PDE4D: variants seen among roughly 807,000 people sequenced by gnomAD.
PDE4D encodes phosphodiesterase 4D, also known as 3',5'-cyclic-AMP phosphodiesterase 4D.
In PDE4D, 24 loss-of-function variants were observed where a neutral mutation model predicts 87.4. That is an observed-to-expected ratio of 0.27 (90% CI 0.20 to 0.39). The LOEUF is 0.39. Ranked by LOEUF, PDE4D falls within the 10% of genes least tolerant of loss-of-function variation. The pLI, the probability that PDE4D is intolerant of heterozygous loss-of-function variation, is 1.00. For synonymous variants in PDE4D, 384 were observed against 383.2 expected (o/e 1.00, Z -0.02); for missense variants, 714 against 1,041.0 (o/e 0.69, Z 4.32).
At chr5:59,060,626 C>T (rs1001587978) in intron 5 of PDE4D, among the ~76,000 whole-genome samples, 2 of 152,010 alleles carry the variant, frequency 1.3e-5, no homozygotes, top group African/African-American at 4.8e-5. Context: ...GATTATTTCA[C>T]ACCGAGGTAA....
chr5:60,158,908 A>G (rs932331453), intron 2 of PDE4D, among the ~76,000 whole-genome samples: 1 of 152,204 alleles, frequency 6.6e-6, no homozygotes, highest in Non-Finnish European at 1.5e-5. Flanking sequence ...TCTTTCTTCA[A>G]TAATAACCTT....
intron 1 of PDE4D, among the ~76,000 whole-genome samples, chr5:60,189,435 C>CT (rs1475204853): frequency 6.6e-6 from 1 of 152,154 alleles, no homozygotes; most frequent in Non-Finnish European, 1.5e-5. Context: ...AATCCCTTCC[C>CT]TTTTTTCCCC....
At chr5:59,255,294 G>C (rs757246101) in intron 1 of PDE4D, among the ~76,000 whole-genome samples, 23 of 152,020 alleles carry the variant, frequency 1.5e-4, no homozygotes, top group Non-Finnish European at 2.9e-4. Context: ...CTAAGTGAAA[G>C]AAGCAAGTCA....
chr5:60,059,996 G>A (rs1771215556), intron 2 of PDE4D, among the ~76,000 whole-genome samples: 3 of 151,866 alleles, frequency 2.0e-5, no homozygotes, highest in Admixed American at 2.0e-4. Context: ...TATAATCATA[G>A]CTCATCAGGC....
chr5:59,794,835 A>G (rs564459345), intron 1 of PDE4D, among the ~76,000 whole-genome samples: 21 of 152,276 alleles, frequency 1.4e-4, no homozygotes, highest in African/African-American at 5.1e-4. Flanking sequence ...CAGCTGGAAA[A>G]ATCCAAGAAT....
At chr5:60,079,962 T>C (rs1477300342) in intron 2 of PDE4D, among the ~76,000 whole-genome samples, 1 of 152,240 alleles carries the variant, frequency 6.6e-6, no homozygotes, top group Admixed American at 6.5e-5. Flanking sequence ...TAAATTACTT[T>C]GGGCAGTATG....
At chr5:60,323,884 C>G (rs1183109019) in intron 1 of PDE4D, among the ~76,000 whole-genome samples, 2 of 148,280 alleles carry the variant, frequency 1.3e-5, no homozygotes, top group Non-Finnish European at 2.9e-5. Flanking sequence ...CATTCTTTAC[C>G]TAGTTAATGC....
At chr5:59,724,467 G>A (rs1268666782) in intron 1 of PDE4D, among the ~76,000 whole-genome samples, 1 of 152,012 alleles carries the variant, frequency 6.6e-6, no homozygotes, top group East Asian at 1.9e-4. Flanking sequence ...CAGGTAATGG[G>A]CATAGCACAT....
chr5:59,942,766 G>C (rs1757318345), intron 3 of PDE4D, among the ~76,000 whole-genome samples: 2 of 150,308 alleles, frequency 1.3e-5, no homozygotes, highest in South Asian at 4.2e-4. Context: ...GAGGAATATA[G>C]CTAGAGAGAA....
At chr5:59,476,186 G>T (rs1378777437) in intron 1 of PDE4D, among the ~76,000 whole-genome samples, 3 of 151,962 alleles carry the variant, frequency 2.0e-5, no homozygotes, top group African/African-American at 7.2e-5. Flanking sequence ...TGGAAAAGCA[G>T]CACTCTCACC....
At chr5:60,095,390 T>C (rs1042929564) in intron 2 of PDE4D, among the ~76,000 whole-genome samples, 1 of 152,226 alleles carries the variant, frequency 6.6e-6, no homozygotes, top group Non-Finnish European at 1.5e-5. Context: ...TCATCCTTTT[T>C]TATGGATGCA....
intron 1 of PDE4D, among the ~76,000 whole-genome samples, chr5:60,402,174 A>G (rs1266174293): frequency 2.6e-5 from 4 of 152,208 alleles, no homozygotes; most frequent in Non-Finnish European, 5.9e-5. Context: ...ATGTGAGAAC[A>G]ATAATTCCAC....
At chr5:59,520,658 C>T (rs559958480) in intron 1 of PDE4D, among the ~76,000 whole-genome samples, 1 of 151,644 alleles carries the variant, frequency 6.6e-6, no homozygotes, top group African/African-American at 2.4e-5. Flanking sequence ...TTTCATGGAA[C>T]CTTTATTAAA....
At chr5:60,075,239 A>C (rs989833408) in intron 2 of PDE4D, among the ~76,000 whole-genome samples, 1 of 152,222 alleles carries the variant, frequency 6.6e-6, no homozygotes, top group African/African-American at 2.4e-5. Flanking sequence ...TGTTTGTCTG[A>C]AAAGGATCTT....
chr5:59,830,801 T>C (rs1398249503), intron 1 of PDE4D, among the ~76,000 whole-genome samples: 5 of 152,114 alleles, frequency 3.3e-5, no homozygotes, highest in Non-Finnish European at 5.9e-5. Flanking sequence ...AGAATTGTTA[T>C]TTTAATTGGG....
intron 1 of PDE4D, among the ~76,000 whole-genome samples, chr5:59,662,426 A>T (rs566691768): frequency 1.3e-5 from 2 of 152,292 alleles, no homozygotes; most frequent in African/African-American, 4.8e-5. Context: ...CCTTATTTGC[A>T]CTGACCCTGA....
intron 2 of PDE4D, among the ~76,000 whole-genome samples, chr5:60,107,113 A>G (rs552296982): frequency 1.3e-5 from 2 of 152,338 alleles, no homozygotes; most frequent in Non-Finnish European, 2.9e-5. Flanking sequence ...ACCGCTAGCA[A>G]GACTAATAAA....
intron 1 of PDE4D, chr5:59,430,564 CGT>C (rs763425977): frequency 4.0e-6 from 2 of 494,814 alleles, no homozygotes; most frequent in Non-Finnish European, 3.2e-6. Context: ...AAAGTAAACG[CGT>C]GTTTCTCGGA....
At chr5:60,077,920 G>A (rs1226375354) in intron 2 of PDE4D, among the ~76,000 whole-genome samples, 1 of 152,140 alleles carries the variant, frequency 6.6e-6, no homozygotes, top group African/African-American at 2.4e-5. Context: ...CGGTCCTGGT[G>A]TGCACTAGCA....
Sources: gnomAD v4.1 joint callset for allele counts (sites outside exome capture counted in the v4.1 genomes callset) on GRCh38, gnomAD v4.1.1 for gene constraint, MANE v1.5 for transcripts, NCBI Gene and HGNC (gene_info 2026-07-23, HGNC 2026-07-21) for gene names.